TMEM64: variants seen among roughly 807,000 people sequenced by gnomAD.
TMEM64 encodes the protein transmembrane protein 64.
Under a neutral mutation model 24.5 loss-of-function variants are expected in TMEM64, and 19 were observed. That is an observed-to-expected ratio of 0.78 (90% CI 0.54 to 1.14). The LOEUF (loss-of-function observed/expected upper bound fraction) is 1.14. Ranked by LOEUF, TMEM64 falls within the 50% of genes most tolerant of loss-of-function variation. TMEM64 has a pLI of 0.00. For synonymous variants in TMEM64, 262 were observed against 224.7 expected (o/e 1.17, Z -1.49); for missense variants, 487 against 493.0 (o/e 0.99, Z 0.12).
intron 2 of TMEM64, among the ~76,000 whole-genome samples, chr8:90,626,292 G>A (rs796928599): frequency 2.6e-5 from 4 of 152,294 alleles, no homozygotes; most frequent in African/African-American, 9.6e-5. Flanking sequence ...TTAGTGAGAA[G>A]CACTACTATT....
At chr8:90,633,213 A>G (rs1259953605) in intron 1 of TMEM64, among the ~76,000 whole-genome samples, 1 of 152,212 alleles carries the variant, frequency 6.6e-6, no homozygotes, top group African/African-American at 2.4e-5. Context: ...CTTCTTCCTC[A>G]AGCAAGTAAG....
At chr8:90,630,304 T>G (rs552260624) in intron 2 of TMEM64, among the ~76,000 whole-genome samples, 2 of 152,336 alleles carry the variant, frequency 1.3e-5, no homozygotes, top group South Asian at 4.1e-4. Context: ...TAATACTTTT[T>G]TGTGCTATTT....
In TMEM64 at chr8:90,622,832, T is replaced by C. The variant is rs1180161256; in HGVS notation, c.*2839A>G. 1 of 152,222 alleles carries C rather than the reference T, an allele frequency of 6.6e-6. No individual in the cohort carries two copies. The highest frequency in any genetic ancestry group is 6.5e-5 in the Admixed American group (1 of 15,278). 9.4% of individuals were successfully genotyped at this position (152,222 alleles called of 1,614,324 possible). On this transcript the variant is annotated 3_prime_UTR_variant, in exon 3 of 3. Coordinates refer to ENST00000458549, the MANE Select transcript of TMEM64 (RefSeq NM_001008495.4). Reference sequence around the variant, plus strand: ...AAAGTGCATCAAGGGAGAGAATGGCTGGCTCTGAATAAACCCACAGTCACT... The same window carrying C: ...AAAGTGCATCAAGGGAGAGAATGGCCGGCTCTGAATAAACCCACAGTCACT...
chr8:90,640,876 T>C (rs1809594180), intron 1 of TMEM64, among the ~76,000 whole-genome samples: 1 of 152,166 alleles, frequency 6.6e-6, no homozygotes, highest in Admixed American at 6.5e-5. Context: ...GGTGGGCTCA[T>C]ATAAATAACC....
intron 1 of TMEM64, among the ~76,000 whole-genome samples, chr8:90,634,752 GA>G (rs1809489877): frequency 6.6e-6 from 1 of 152,024 alleles, no homozygotes; most frequent in Admixed American, 6.6e-5. Context: ...TACTGATTTT[GA>G]AAGTAACTTT....
chr8:90,640,429 G>C (rs1809588060), intron 1 of TMEM64, among the ~76,000 whole-genome samples: 1 of 152,036 alleles, frequency 6.6e-6, no homozygotes, highest in East Asian at 1.9e-4. Context: ...AAAAATAAAA[G>C]GTAATGTTAC....
At chr8:90,628,060 C>T (rs1165466551) in intron 2 of TMEM64, among the ~76,000 whole-genome samples, 2 of 152,162 alleles carry the variant, frequency 1.3e-5, no homozygotes, top group Non-Finnish European at 2.9e-5. Flanking sequence ...CAGGGCCTGA[C>T]GATTTGTACT....
chr8:90,639,399 C>T lies in TMEM64; in HGVS notation c.795+5712G>A, dbSNP rs139314276. On this transcript the variant is annotated intron_variant, in intron 1 of 2. Transcript: ENST00000458549. ...CCTCCCACCCACATACACACAGAGG[C>T]CTTGAATCTTCTCTCAAGGGGGGAA... 1.7e-3 allele frequency among the ~76,000 whole-genome samples: 262 copies of T among 152,214 alleles called. 1 individual carries two copies. Among genetic ancestry groups the T allele is most frequent in the African/African-American group, 6.1e-3 (252 of 41,530 alleles).
chr8:90,645,643 A>G lies in TMEM64; in HGVS notation c.263T>C (p.Leu88Ser), dbSNP rs1184905085. ...GCCGCCACTCCCGGGGCCGCCCGCC[A>G]AGGCCCCGCCCGGCTCCGGCAGCTC... ...ASELPEPGGALAGGPGSGGGG... is the reference protein window; with the variant it reads ...ASELPEPGGASAGGPGSGGGG... The change falls in exon 1 of 3, where the codon TTG becomes TCG. Residue 88 changes from leucine to serine, a missense_variant. This residue lies in a region of TMEM64 where 419 missense variants were observed against 407.5 expected (regional missense o/e 1.03). Transcript: ENST00000458549. The surrounding 1 kb of genome is among the most constrained non-coding windows in gnomAD (Gnocchi z 4.2). The G allele has an allele frequency of 3.3e-6, 5 of 1,532,204 alleles. No individual in the cohort carries two copies. Among genetic ancestry groups the G allele is most frequent in the Admixed American group, 2.0e-5 (1 of 50,734 alleles). 94.9% of individuals were successfully genotyped at this position (1,532,204 alleles called of 1,614,324 possible). A position where few individuals can be genotyped will look rare whatever the true frequency, so the allele number is the denominator to read the frequency against.
intron 2 of TMEM64, among the ~76,000 whole-genome samples, chr8:90,631,127 T>C (rs78517611): frequency 0.069 from 10,570 of 152,214 alleles, 565 homozygotes; most frequent in African/African-American, 0.15. Context: ...ATTTACACTC[T>C]CAACATAACA....
chr8:90,628,064 T>C (rs926162447), intron 2 of TMEM64, among the ~76,000 whole-genome samples: 1 of 152,216 alleles, frequency 6.6e-6, no homozygotes, highest in Non-Finnish European at 1.5e-5. Flanking sequence ...GCCTGACGAT[T>C]TGTACTGTCC....
chr8:90,645,445 A>G lies in TMEM64; in HGVS notation c.461T>C (p.Leu154Pro). Residue 154 changes from leucine (L) to proline (P), a missense_variant, in exon 1 of 3, where the codon CTT becomes CCT. By Grantham distance (98) the Leu-to-Pro change is moderately conservative. Coordinates refer to ENST00000458549, the MANE Select transcript of TMEM64 (RefSeq NM_001008495.4). The surrounding 1 kb of genome is among the most constrained non-coding windows in gnomAD (Gnocchi z 4.2). Reference protein sequence around the residue: ...LHHLLLWVESLDSLLGVLLFV... With the variant: ...LHHLLLWVESPDSLLGVLLFV... ...GAGCAGGACCCCCAGCAGCGAGTCAAGGCTCTCCACCCACAGCAGGAGGTG... is the reference window on the plus strand; with the variant it reads ...GAGCAGGACCCCCAGCAGCGAGTCAGGGCTCTCCACCCACAGCAGGAGGTG... 6.4e-7 allele frequency: 1 copy of G among 1,551,622 alleles called. No homozygotes were observed. The highest frequency in any genetic ancestry group is 8.7e-7 in the Non-Finnish European group (1 of 1,147,034).
chr8:90,638,600 C>T (rs1008271243), intron 1 of TMEM64, among the ~76,000 whole-genome samples: 39 of 152,152 alleles, frequency 2.6e-4, no homozygotes, highest in African/African-American at 9.2e-4. Context: ...CGTTCTTGGT[C>T]CTCATTGTGT....
Position 90,645,808 on chromosome 8 carries a change from A to T in TMEM64, c.98T>A (p.Leu33Gln). 1 of 1,035,406 alleles carries T rather than the reference A, an allele frequency of 9.7e-7. No individual in the cohort carries two copies. Among genetic ancestry groups the T allele is most frequent in the Non-Finnish European group, 1.2e-6 (1 of 864,238 alleles). 64.1% of individuals were successfully genotyped at this position (1,035,406 alleles called of 1,614,324 possible). ...GCCGTCCCCGCCCGCACCCCGCGGC[A>T]GGGCCCAGCGGGCCGGCAGCTCGGC... ...GLAELPARWA[L>Q]PRGAGGDGPA... Residue 33 changes from leucine (L) to glutamine (Q), a missense_variant, in exon 1 of 3, where the codon CTG becomes CAG. Transcript: ENST00000458549. This position sits in a 1 kb window ranked among gnomAD's most constrained non-coding sequence, Gnocchi z 4.2.
intron 1 of TMEM64, among the ~76,000 whole-genome samples, chr8:90,638,657 T>C (rs757746128): frequency 4.5e-4 from 69 of 152,350 alleles, no homozygotes; most frequent in Non-Finnish European, 9.3e-4. Flanking sequence ...GCTAAATATA[T>C]GTTTATTGGA....
At chr8:90,631,989 A>AT (rs1809446569) in intron 1 of TMEM64, among the ~76,000 whole-genome samples, 1 of 152,232 alleles carries the variant, frequency 6.6e-6, no homozygotes, top group Non-Finnish European at 1.5e-5. Flanking sequence ...CCACACATTG[A>AT]TAACTTTGTA....
intron 1 of TMEM64, among the ~76,000 whole-genome samples, chr8:90,639,792 A>C (rs1394070705): frequency 6.6e-6 from 1 of 152,206 alleles, no homozygotes; most frequent in Non-Finnish European, 1.5e-5. Flanking sequence ...ATACTTTTCA[A>C]AGTTTTTACA....
intron 1 of TMEM64, among the ~76,000 whole-genome samples, chr8:90,633,563 A>G (rs750638313): frequency 2.4e-4 from 37 of 152,368 alleles, no homozygotes; most frequent in Middle Eastern, 3.4e-3. Flanking sequence ...AGGATAGATC[A>G]CTAGAAGTAG....
chr8:90,644,830 C>T (rs1232754671), intron 1 of TMEM64, among the ~76,000 whole-genome samples: 3 of 152,208 alleles, frequency 2.0e-5, no homozygotes, highest in Non-Finnish European at 4.4e-5. Flanking sequence ...ATTCATGTCC[C>T]TGCATGCCTA....
Sources: gnomAD v4.1 joint callset for allele counts (sites outside exome capture counted in the v4.1 genomes callset) on GRCh38, gnomAD v4.1.1 for gene constraint, gnomAD v4.1.1 regional missense constraint, Gnocchi (gnomAD v3.1) non-coding constraint, MANE v1.5 for transcripts, NCBI Gene and HGNC (gene_info 2026-07-23, HGNC 2026-07-21) for gene names.